GRM1: variants seen among roughly 807,000 people sequenced by gnomAD.
GRM1 encodes the protein metabotropic glutamate receptor 1.
A neutral mutation model predicts 90.9 loss-of-function variants in GRM1; 33 were observed. The ratio of observed to expected loss-of-function variants is 0.36; its 90% CI spans 0.28 to 0.49. GRM1 has a LOEUF of 0.49. GRM1 is among the 20% of genes least tolerant of loss of function. GRM1 has a pLI of 0.99. For missense variants in GRM1, 1,190 were observed against 1,534.3 expected (o/e 0.78, Z 3.75); for synonymous variants, 700 against 613.2 (o/e 1.14, Z -2.09).
At chr6:146,186,948 T>C (rs183458856) in intron 2 of GRM1, among the ~76,000 whole-genome samples, 24 of 152,324 alleles carry the variant, frequency 1.6e-4, no homozygotes, top group Admixed American at 1.1e-3. Flanking sequence ...TAAAGGTCTC[T>C]ACCTAGAAAT....
chr6:146,154,505 G>A (rs1425592588), intron 1 of GRM1, among the ~76,000 whole-genome samples: 5 of 152,130 alleles, frequency 3.3e-5, no homozygotes, highest in African/African-American at 9.7e-5. Context: ...TTAATGCTTC[G>A]TTTGGGCTTC....
At chr6:146,384,078 A>G (rs929197642) in intron 5 of GRM1, among the ~76,000 whole-genome samples, 4 of 152,232 alleles carry the variant, frequency 2.6e-5, no homozygotes, top group African/African-American at 9.6e-5. Context: ...AAACAAATGG[A>G]GCTTGGCCAT....
At chr6:146,426,512 G>A in intron 7 of GRM1, 2 of 1,568,984 alleles carry the variant, frequency 1.3e-6, no homozygotes, top group African/African-American at 1.4e-5. Flanking sequence ...CTGTACACAT[G>A]TATAACCCCC....
At chr6:146,174,760 C>T (rs1475836050) in intron 2 of GRM1, among the ~76,000 whole-genome samples, 1 of 152,208 alleles carries the variant, frequency 6.6e-6, no homozygotes, top group Non-Finnish European at 1.5e-5. Context: ...CTGAGGCTGA[C>T]TTTCTGTGGA....
chr6:146,041,908 A>G (rs1582915679), intron 1 of GRM1, among the ~76,000 whole-genome samples: 1 of 151,988 alleles, frequency 6.6e-6, no homozygotes, highest in African/African-American at 2.4e-5. Context: ...AGAAACTGGC[A>G]TGTCCAAGAT....
intron 1 of GRM1, among the ~76,000 whole-genome samples, chr6:146,058,082 A>G (rs1775540507): frequency 6.6e-6 from 1 of 152,022 alleles, no homozygotes; most frequent in South Asian, 2.1e-4. Flanking sequence ...CAGTTTTTCC[A>G]CATTAGTGTT....
intron 7 of GRM1, among the ~76,000 whole-genome samples, chr6:146,418,670 T>C (rs1235392554): frequency 6.6e-6 from 1 of 151,952 alleles, no homozygotes; most frequent in East Asian, 1.9e-4. Flanking sequence ...TCCCTTCAAT[T>C]AGCAAAGTAA....
intron 1 of GRM1, among the ~76,000 whole-genome samples, chr6:146,052,359 T>A (rs994628337): frequency 5.1e-4 from 78 of 152,044 alleles, no homozygotes; most frequent in African/African-American, 1.9e-3. Context: ...TGGCTGCTCA[T>A]TACATTTATC....
intron 1 of GRM1, among the ~76,000 whole-genome samples, chr6:146,065,436 CT>C (rs1775813348): frequency 1.3e-5 from 2 of 152,316 alleles, no homozygotes; most frequent in South Asian, 4.1e-4. Context: ...CTTCTCTGTG[CT>C]TCCGTTTCTG....
Position 146,146,103 on chromosome 6 carries a change from C to CTTTTTTTTTTTTTTTTTTTTTTT in GRM1, c.701-13231_701-13209dup, listed in dbSNP as rs35329703. The stretch of plus-strand genomic sequence containing the variant: ...CTGTGCCTATGTACTACCATTGTAT[C>CTTTTTTTTTTTTTTTTTTTTTTT]TTTTTTTTTTTTTTTTTTTTTTTTT... On this transcript the variant is annotated intron_variant, in intron 1 of 7. Coordinates refer to ENST00000282753, the MANE Select transcript of GRM1 (RefSeq NM_001278064.2). Among the ~76,000 whole-genome samples, 79 of 19,988 alleles carry CTTTTTTTTTTTTTTTTTTTTTTT rather than the reference C, an allele frequency of 4.0e-3. 35 individuals are homozygous for CTTTTTTTTTTTTTTTTTTTTTTT. The highest frequency in any genetic ancestry group is 6.7e-3 in the Non-Finnish European group (63 of 9,440). The allele number at this position is 19,988 out of a possible 152,430, so 13.1% of individuals were successfully genotyped here. A position where few individuals can be genotyped will look rare whatever the true frequency, so the allele number is the denominator to read the frequency against.
In GRM1 at chr6:146,102,147, T is replaced by C. The variant is rs192528466; in HGVS notation, c.701-57201T>C. Among the ~76,000 whole-genome samples, 667 of 152,258 alleles carry C rather than the reference T, an allele frequency of 4.4e-3. 6 individuals are homozygous for C. The highest frequency in any genetic ancestry group is 0.015 in the African/African-American group (632 of 41,546). ...TCCATCCTGCCTCTTTTTCTTACTC[T>C]TTTTCTCTGGGTTCTCTTCCACTGC... is the stretch of plus-strand genomic sequence containing the variant. On this transcript the variant is annotated intron_variant, in intron 1 of 7. Transcript: ENST00000282753.
chr6:146,227,605 A>G (rs946067188), intron 2 of GRM1, among the ~76,000 whole-genome samples: 19 of 152,200 alleles, frequency 1.2e-4, no homozygotes, highest in African/African-American at 4.6e-4. Flanking sequence ...GTTCTGATTC[A>G]TGAATGCTTA....
At chr6:146,183,687 G>C (rs554532768) in intron 2 of GRM1, among the ~76,000 whole-genome samples, 26 of 152,166 alleles carry the variant, frequency 1.7e-4, no homozygotes, top group African/African-American at 5.5e-4. Context: ...TTAAGTAACT[G>C]TGCGATTCTC....
chr6:146,135,347 A>G (rs892550237), intron 1 of GRM1, among the ~76,000 whole-genome samples: 25 of 152,176 alleles, frequency 1.6e-4, no homozygotes, highest in African/African-American at 5.6e-4. Flanking sequence ...CATCACTCCA[A>G]AAGTATTGGC....
chr6:146,260,693 C>T (rs1476227349), intron 2 of GRM1, among the ~76,000 whole-genome samples: 1 of 151,416 alleles, frequency 6.6e-6, no homozygotes, highest in Non-Finnish European at 1.5e-5. Context: ...TTTTGATTTG[C>T]ATTTCCCTGA....
intron 7 of GRM1, among the ~76,000 whole-genome samples, chr6:146,424,525 C>T (rs545237648): frequency 1.5e-4 from 23 of 152,328 alleles, no homozygotes; most frequent in African/African-American, 5.3e-4. Context: ...TGCTCTATTT[C>T]CCCATTGACC....
chr6:146,164,084 T>G (rs554333626), intron 2 of GRM1, among the ~76,000 whole-genome samples: 1 of 92,730 alleles, frequency 1.1e-5, no homozygotes, highest in East Asian at 2.7e-4. Flanking sequence ...ATTCTTAAAT[T>G]TTTTTTTATC....
Position 146,146,103 on chromosome 6 carries a change from C to CTTT in GRM1, c.701-13211_701-13209dup, listed in dbSNP as rs35329703. On this transcript the variant is annotated intron_variant, in intron 1 of 7. Transcript: ENST00000282753. ...CTGTGCCTATGTACTACCATTGTAT[C>CTTT]TTTTTTTTTTTTTTTTTTTTTTTTT... 8.0e-4 allele frequency among the ~76,000 whole-genome samples: 16 copies of CTTT among 19,950 alleles called. 6 individuals are homozygous for CTTT. Among genetic ancestry groups the CTTT allele is most frequent in the East Asian group, 2.0e-3 (1 of 492 alleles). 13.1% of individuals were successfully genotyped at this position (19,950 alleles called of 152,430 possible). A position where few individuals can be genotyped will look rare whatever the true frequency, so the allele number is the denominator to read the frequency against.
chr6:146,339,871 T>A (rs948889819), intron 3 of GRM1, among the ~76,000 whole-genome samples: 1 of 152,152 alleles, frequency 6.6e-6, no homozygotes, highest in African/African-American at 2.4e-5. Context: ...TGTACCACCA[T>A]AACATTCCAC....
Sources: allele counts gnomAD v4.1 joint callset (sites outside exome capture counted in the v4.1 genomes callset), GRCh38; gene constraint gnomAD v4.1.1; transcripts MANE v1.5; gene names NCBI Gene and HGNC (gene_info 2026-07-23, HGNC 2026-07-21).